Variants in APBA2 observed in about 807,000 individuals in gnomAD.
APBA2 encodes the protein amyloid-beta A4 precursor protein-binding family A member 2.
A neutral mutation model predicts 75.0 loss-of-function variants in APBA2; 30 were observed. The observed-to-expected ratio is 0.40, with a 90% CI of 0.30 to 0.54. The LOEUF (loss-of-function observed/expected upper bound fraction) is 0.54. APBA2 is among the 20% of genes least tolerant of loss of function. The probability of loss-of-function intolerance (pLI) is 0.49; values close to 1 mark genes in which losing one functional copy is unlikely to be tolerated. For synonymous variants in APBA2, 444 were observed against 409.6 expected (o/e 1.08, Z -1.01); for missense variants, 801 against 1,016.1 (o/e 0.79, Z 2.88).
rs554786844 is a variant in APBA2, at chr15:29,032,831, T to A, written c.-40-21014T>A. Among the ~76,000 whole-genome samples, 362 of 152,286 alleles carry A rather than the reference T, an allele frequency of 2.4e-3. 2 individuals carry two copies. The highest frequency in any genetic ancestry group is 4.0e-3 in the Non-Finnish European group (275 of 68,014). ...TGGGGCTGTTGCCTCTGAGACCAGA[T>A]CCCGGATCCTTTCTTTGTGGGCTGC... is the stretch of plus-strand genomic sequence containing the variant. On this transcript the variant is annotated intron_variant, in intron 3 of 14. Coordinates refer to ENST00000683413, the MANE Select transcript of APBA2 (RefSeq NM_001353788.2).
In APBA2 at chr15:29,082,015, A is replaced by G. The variant is rs2336945; in HGVS notation, c.1069+5924A>G. On this transcript the variant is annotated intron_variant, in intron 6 of 14. Coordinates refer to ENST00000683413, the MANE Select transcript of APBA2 (RefSeq NM_001353788.2). ...GGTCATGTATGAGAGTTGGTTACGTATGAGGTTCCCACACTGTTACCAACA... is the reference window on the plus strand; with the variant it reads ...GGTCATGTATGAGAGTTGGTTACGTGTGAGGTTCCCACACTGTTACCAACA... Among the ~76,000 whole-genome samples the G allele has an allele frequency of 1.5e-3, 226 of 152,328 alleles. 4 individuals carry two copies. In the East Asian group the frequency reaches 0.039, roughly 26 times the overall value.
chr15:29,106,645 G>A lies in APBA2; in HGVS notation c.1743G>A (p.Val581=). 6.2e-7 allele frequency: 1 copy of A among 1,613,078 alleles called. No individual in the cohort carries two copies. Among genetic ancestry groups the A allele is most frequent in the Non-Finnish European group, 8.5e-7 (1 of 1,179,962 alleles). The stretch of plus-strand genomic sequence containing the variant: ...AGCACAAGGGCGAGATCCTGGGCGT[G>A]GTGGTGGTGGAGTCGGGCTGGGGCT... ...LEKHKGEILG[V]VVVESGWGSI... Residue 581 remains valine, a synonymous_variant, in exon 12 of 15, where the codon GTG becomes GTA. Coordinates refer to ENST00000683413, the MANE Select transcript of APBA2 (RefSeq NM_001353788.2).
chr15:28,968,682 A>T lies in APBA2; in HGVS notation c.-94-27071A>T, dbSNP rs138519155. Among the ~76,000 whole-genome samples the T allele has an allele frequency of 1.0e-3, 157 of 152,320 alleles. 2 individuals carry two copies. In the East Asian group the frequency reaches 0.029, roughly 28 times the overall value. ...CCAAAATTCATTTGTTGAAGTCTTAAGCTCCAGCATCTCAGAACCTGCCCT... is the reference window on the plus strand; with the variant it reads ...CCAAAATTCATTTGTTGAAGTCTTATGCTCCAGCATCTCAGAACCTGCCCT... On this transcript the variant is annotated intron_variant, in intron 2 of 14. Transcript: ENST00000683413.
chr15:28,966,722 T>C (rs1430273055), intron 2 of APBA2, among the ~76,000 whole-genome samples: 1 of 151,952 alleles, frequency 6.6e-6, no homozygotes, highest in Non-Finnish European at 1.5e-5. Flanking sequence ...ATGATTTTTT[T>C]CCTTCTCTTT....
At chr15:28,970,907 T>TG (rs1426920309) in intron 2 of APBA2, among the ~76,000 whole-genome samples, 1 of 152,138 alleles carries the variant, frequency 6.6e-6, no homozygotes, top group Non-Finnish European at 1.5e-5. Context: ...CCCATGTGTG[T>TG]GCACACAGAC....
intron 2 of APBA2, among the ~76,000 whole-genome samples, chr15:28,928,085 A>G (rs1373385958): frequency 6.7e-6 from 1 of 149,326 alleles, no homozygotes; most frequent in East Asian, 2.0e-4. Context: ...CGGAACTTGC[A>G]GTGAGCCGAG....
chr15:28,915,755 T>C (rs1180670197), intron 1 of APBA2, among the ~76,000 whole-genome samples: 1 of 140,846 alleles, frequency 7.1e-6, no homozygotes, highest in Non-Finnish European at 1.5e-5. Flanking sequence ...CACACTCAAC[T>C]CTTCCACACT....
intron 3 of APBA2, among the ~76,000 whole-genome samples, chr15:29,006,386 T>C (rs1431492037): frequency 2.0e-5 from 3 of 152,140 alleles, no homozygotes; most frequent in Non-Finnish European, 4.4e-5. Context: ...CTACCGAACA[T>C]TGCTGAGAGA....
intron 10 of APBA2, chr15:29,102,629 C>G: frequency 6.6e-6 from 1 of 152,144 alleles, no homozygotes; most frequent in South Asian, 2.1e-4. Context: ...CTTGGTGGTG[C>G]GTGCCTGTAA....
chr15:29,065,727 G>A (rs147264892), intron 4 of APBA2, among the ~76,000 whole-genome samples: 13 of 152,284 alleles, frequency 8.5e-5, no homozygotes, highest in Non-Finnish European at 1.6e-4. Flanking sequence ...CCAAAGTGCT[G>A]GAGCTGAAGG....
chr15:29,015,426 C>T (rs952749142), intron 3 of APBA2, among the ~76,000 whole-genome samples: 3 of 152,176 alleles, frequency 2.0e-5, no homozygotes, highest in Admixed American at 6.6e-5. Context: ...GTTGGTAAAT[C>T]CCATCCCAAG....
intron 2 of APBA2, among the ~76,000 whole-genome samples, chr15:28,940,778 C>G (rs555730650): frequency 6.6e-6 from 1 of 151,962 alleles, no homozygotes; most frequent in African/African-American, 2.4e-5. Flanking sequence ...GGGTTGGGGG[C>G]GGGAAATGTA....
intron 3 of APBA2, among the ~76,000 whole-genome samples, chr15:29,022,098 G>T (rs2039983520): frequency 6.6e-6 from 1 of 152,198 alleles, no homozygotes; most frequent in Non-Finnish European, 1.5e-5. Flanking sequence ...GCCGCAGTGA[G>T]CGTGGGAGTG....
rs75499467 is a variant in APBA2, at chr15:29,043,050, G to T, written c.-40-10795G>T. On this transcript the variant is annotated intron_variant, in intron 3 of 14. Coordinates refer to ENST00000683413, the MANE Select transcript of APBA2 (RefSeq NM_001353788.2). ...TTTCCAGAAGTTCTTGTGGGAGAGAGTTGACTTCTTACTGTTAGACGTAAC... is the reference window on the plus strand; with the variant it reads ...TTTCCAGAAGTTCTTGTGGGAGAGATTTGACTTCTTACTGTTAGACGTAAC... Among the ~76,000 whole-genome samples the T allele has an allele frequency of 5.3e-3, 805 of 152,246 alleles. 5 individuals are homozygous for T. Among genetic ancestry groups the T allele is most frequent in the African/African-American group, 0.018 (762 of 41,528 alleles).
chr15:29,108,343 G>A lies in APBA2; in HGVS notation c.1991G>A (p.Arg664Gln), dbSNP rs764890425. 6 of 1,614,062 alleles carry A rather than the reference G, an allele frequency of 3.7e-6. No homozygotes were observed. Among genetic ancestry groups the A allele is most frequent in the Non-Finnish European group, 5.1e-6 (6 of 1,180,026 alleles). ...CCGGTCACCACGGTCCTTATCAAGC[G>A]GCCAGACCTCAAGTACCAGCTGGGC... ...CPPVTTVLIK[R>Q]PDLKYQLGFS... Residue 664 changes from arginine to glutamine, a missense_variant, in exon 13 of 15, where the codon CGG becomes CAG. Arg to Gln is a conservative substitution (Grantham distance 43, BLOSUM62 1). Around this residue, in one of 2 missense-constraint regions of APBA2, gnomAD observed 367 missense variants for 544.5 expected, o/e 0.67. Coordinates refer to ENST00000683413, the MANE Select transcript of APBA2 (RefSeq NM_001353788.2).
intron 6 of APBA2, among the ~76,000 whole-genome samples, chr15:29,092,170 TCAGGTACAA>T (rs983643679): frequency 3.5e-4 from 53 of 152,232 alleles, no homozygotes; most frequent in Middle Eastern, 6.8e-3. Context: ...CCTTTACGCC[TCAGGTACAA>T]CGGTGAATAG....
At chr15:28,955,011 C>T (rs1488608483) in intron 2 of APBA2, among the ~76,000 whole-genome samples, 1 of 152,146 alleles carries the variant, frequency 6.6e-6, no homozygotes, top group East Asian at 1.9e-4. Flanking sequence ...AGCCGGCCCA[C>T]CCCCAGCCCC....
chr15:28,911,073 G>C (rs1368219124), intron 1 of APBA2, among the ~76,000 whole-genome samples: 1 of 152,098 alleles, frequency 6.6e-6, no homozygotes, highest in Non-Finnish European at 1.5e-5. Flanking sequence ...AATGGATTTT[G>C]TTAGAAAAAA....
At chr15:29,039,620 T>G (rs2040931984) in intron 3 of APBA2, among the ~76,000 whole-genome samples, 1 of 152,200 alleles carries the variant, frequency 6.6e-6, no homozygotes, top group South Asian at 2.1e-4. Context: ...AACCGGGGTT[T>G]AGGCCCGAGG....
Sources: gnomAD v4.1 joint callset for allele counts (sites outside exome capture counted in the v4.1 genomes callset) on GRCh38, gnomAD v4.1.1 for gene constraint, gnomAD v4.1.1 regional missense constraint, MANE v1.5 for transcripts, NCBI Gene and HGNC (gene_info 2026-07-23, HGNC 2026-07-21) for gene names.